Variants in ZNF83 observed in about 807,000 individuals in gnomAD.
ZNF83 encodes the protein zinc finger protein 83.
For missense variants in ZNF83, 552 were observed against 629.9 expected (o/e 0.88, Z 1.32); for synonymous variants, 209 against 213.0 (o/e 0.98, Z 0.17).
exon 3 of ZNF83, chr19:52,613,777 C>T: frequency 1.9e-6 from 3 of 1,611,746 alleles, no homozygotes. Context: ...ACATACATTA[C>T]ATCTGTAAGG....
At position 52,654,659 on chromosome 19, in the gene ZNF83, G is replaced by A. The variant is rs973299996; in HGVS notation, c.-74+902C>T. On this transcript the variant is annotated intron_variant, in intron 3 of 5. Transcript: ENST00000594682. ...TTGAACCTAGGAGGCAGAGATTGCA[G>A]TGAACAGAGATCACATCATTGCACT... 4.6e-5 allele frequency among the ~76,000 whole-genome samples: 7 copies of A among 152,284 alleles called. 1 individual carries two copies. The South Asian group carries it at 1.5e-3, about 32-fold the overall frequency.
intron 1 of ZNF83, among the ~76,000 whole-genome samples, chr19:52,687,926 G>A (rs908208108): frequency 1.3e-5 from 2 of 151,980 alleles, no homozygotes; most frequent in East Asian, 1.9e-4. Flanking sequence ...GAAAAGGGAA[G>A]AGAGTAACTT....
chr19:52,648,146 TTCTTA>T (rs995050255), intron 3 of ZNF83, among the ~76,000 whole-genome samples: 2 of 118,120 alleles, frequency 1.7e-5, no homozygotes, highest in African/African-American at 3.0e-5. Context: ...TCCTCCTGCT[TTCTTA>T]TCTTTTTTTT....
At chr19:52,630,162 G>A (rs2060900253) in intron 2 of ZNF83, among the ~76,000 whole-genome samples, 1 of 152,142 alleles carries the variant, frequency 6.6e-6, no homozygotes, top group Non-Finnish European at 1.5e-5. Context: ...AACTCACTTG[G>A]CAACCACTCC....
chr19:52,641,139 C>A (rs1428980968), upstream of ZNF83, among the ~76,000 whole-genome samples: 1 of 151,786 alleles, frequency 6.6e-6, no homozygotes, highest in Non-Finnish European at 1.5e-5. Flanking sequence ...GCCTGGCCCC[C>A]AGGCGGCCTC....
chr19:52,631,993 A>G (rs946942840), intron 2 of ZNF83, among the ~76,000 whole-genome samples: 12 of 151,836 alleles, frequency 7.9e-5, no homozygotes, highest in Non-Finnish European at 1.5e-5. Flanking sequence ...AGGACTGGCA[A>G]ATTAGCTTTA....
At chr19:52,654,311 T>A (rs1022179864) in intron 3 of ZNF83, 16 of 1,488,478 alleles carry the variant, frequency 1.1e-5, no homozygotes, top group Non-Finnish European at 1.5e-5. Flanking sequence ...ATGTGATGAC[T>A]TTTATGTCTT....
At chr19:52,659,452 A>C (rs576126973) in intron 2 of ZNF83, among the ~76,000 whole-genome samples, 11 of 152,276 alleles carry the variant, frequency 7.2e-5, no homozygotes, top group Admixed American at 6.5e-4. Context: ...ACAGTTGCTT[A>C]AGGCTACTGG....
chr19:52,630,925 C>T (rs1007707239), intron 2 of ZNF83, among the ~76,000 whole-genome samples: 2 of 151,544 alleles, frequency 1.3e-5, no homozygotes, highest in South Asian at 2.1e-4. Context: ...ACCTTATCAA[C>T]CAAATTGTTT....
upstream of ZNF83, among the ~76,000 whole-genome samples, chr19:52,641,663 C>G (rs918171525): frequency 8.5e-5 from 13 of 152,092 alleles, no homozygotes; most frequent in Non-Finnish European, 1.3e-4. Context: ...CATTTTGGAA[C>G]TGATTTTGTG....
Position 52,618,735 on chromosome 19 carries a change from C to A in ZNF83, c.-233-3938G>T, listed in dbSNP as rs559222913. The A allele has an allele frequency of 1.2e-4, 125 of 1,016,354 alleles. No individual in the cohort carries two copies. The East Asian group carries it at 1.4e-3, about 12-fold the overall frequency. 63.0% of individuals were successfully genotyped at this position (1,016,354 alleles called of 1,614,324 possible). ...TAAGCCTTCTTTACTTCTGGAACCCCCACTGAGCTATCATGAAGAACGCAG... is the reference window on the plus strand; with the variant it reads ...TAAGCCTTCTTTACTTCTGGAACCCACACTGAGCTATCATGAAGAACGCAG... On this transcript the variant is annotated intron_variant, in intron 2 of 2. Transcript: ENST00000301096.
rs1171725689 is a variant in ZNF83, at chr19:52,657,105, G to C, written c.-200-1418C>G. Among the ~76,000 whole-genome samples the C allele has an allele frequency of 2.0e-5, 3 of 151,606 alleles. No homozygotes were observed. In the South Asian group the frequency reaches 6.3e-4, roughly 32 times the overall value. On this transcript the variant is annotated intron_variant, in intron 2 of 5. Transcript: ENST00000594682. ...CACTCCAGCCTGGGGGACACAGCGA[G>C]ACCCTATCACCCCCACCCTCCCAAA...
chr19:52,687,645 A>AATGTG lies in ZNF83; in HGVS notation c.-283+2797_-283+2798insCACAT, dbSNP rs1364088434. 2.6e-4 allele frequency among the ~76,000 whole-genome samples: 7 copies of AATGTG among 26,904 alleles called. 3 individuals are homozygous for AATGTG. Among genetic ancestry groups the AATGTG allele is most frequent in the Non-Finnish European group, 4.4e-4 (7 of 15,798 alleles). 17.7% of individuals were successfully genotyped at this position (26,904 alleles called of 152,430 possible). On this transcript the variant is annotated intron_variant, in intron 1 of 5. Coordinates refer to the ZNF83 transcript ENST00000594682. ...ATATATATATAATGTATATATATATATATATATATATAATGTATATATATA... is the reference window on the plus strand; with the variant it reads ...ATATATATATAATGTATATATATATAATGTGTATATATATATAATGTATATATATA...
intron 2 of ZNF83, among the ~76,000 whole-genome samples, chr19:52,657,451 A>C (rs938173106): frequency 2.0e-5 from 3 of 151,644 alleles, no homozygotes; most frequent in African/African-American, 7.3e-5. Flanking sequence ...CTCTACTAAA[A>C]ATACAAAGAT....
intron 2 of ZNF83, among the ~76,000 whole-genome samples, chr19:52,632,791 T>C (rs1247703760): frequency 6.6e-6 from 1 of 152,182 alleles, no homozygotes; most frequent in African/African-American, 2.4e-5. Context: ...TACAAAACTG[T>C]ATCCAGGCCA....
intron 3 of ZNF83, among the ~76,000 whole-genome samples, chr19:52,649,514 G>A (rs1490060520): frequency 1.3e-5 from 2 of 152,044 alleles, no homozygotes; most frequent in Non-Finnish European, 2.9e-5. Flanking sequence ...TCCTCAATGG[G>A]ATAACGACAC....
chr19:52,621,702 A>G (rs2060554381), intron 2 of ZNF83, among the ~76,000 whole-genome samples: 2 of 151,446 alleles, frequency 1.3e-5, no homozygotes, highest in Non-Finnish European at 2.9e-5. Context: ...AAAACTTGAA[A>G]CCTCTTCAAC....
At chr19:52,683,707 C>T (rs528858974) in intron 1 of ZNF83, among the ~76,000 whole-genome samples, 53 of 152,164 alleles carry the variant, frequency 3.5e-4, no homozygotes, top group Middle Eastern at 3.2e-3. Flanking sequence ...AGGCCTTCTC[C>T]TCTTATTTTG....
rs192432041 is a variant in ZNF83, at chr19:52,613,551, G to T, written c.1014C>A (p.Ile338=). 1.9e-5 allele frequency: 30 copies of T among 1,609,968 alleles called. No homozygotes were observed. The Middle Eastern group carries it at 8.3e-4, about 45-fold the overall frequency. Residue 338 remains isoleucine (I), a synonymous_variant, in exon 3 of 3, where the codon ATC becomes ATA. Coordinates refer to ENST00000301096, the Ensembl canonical transcript of ZNF83. ...ATTTGTAAGGTTTCTCTCCAGTGTG[G>T]ATTCTCCAGTGATTTACTAGGGATG...
Sources: allele counts gnomAD v4.1 joint callset (sites outside exome capture counted in the v4.1 genomes callset), GRCh38; gene constraint gnomAD v4.1.1; transcripts MANE v1.5; gene names NCBI Gene and HGNC (gene_info 2026-07-23, HGNC 2026-07-21).